Variants in TNNI3K observed in about 807,000 individuals in gnomAD.
The protein encoded by TNNI3K is TNNI3 interacting kinase, also known as serine/threonine-protein kinase TNNI3K.
Under a neutral mutation model 114.5 loss-of-function variants are expected in TNNI3K, and 140 were observed. That is an observed-to-expected ratio of 1.22 (90% CI 1.07 to 1.41). The LOEUF (loss-of-function observed/expected upper bound fraction) is 1.41. Ranked by LOEUF, TNNI3K falls within the 40% of genes most tolerant of loss-of-function variation. The probability of loss-of-function intolerance (pLI) is 0.00; values close to 1 mark genes in which losing one functional copy is unlikely to be tolerated. For synonymous variants in TNNI3K, 347 were observed against 347.5 expected (o/e 1.00, Z 0.02); for missense variants, 1,125 against 1,007.6 (o/e 1.12, Z -1.58).
At chr1:74,484,251 T>C (rs1224054509) in intron 21 of TNNI3K, among the ~76,000 whole-genome samples, 1 of 150,310 alleles carries the variant, frequency 6.7e-6, no homozygotes, top group Non-Finnish European at 1.5e-5. Flanking sequence ...AATAAAACCC[T>C]CTACCTATAT....
chr1:74,266,485 A>G (rs185663350), intron 4 of TNNI3K, among the ~76,000 whole-genome samples: 1 of 152,064 alleles, frequency 6.6e-6, no homozygotes, highest in East Asian at 1.9e-4. Context: ...ACCCAGGTTC[A>G]AGGGGAAGGG....
chr1:74,341,231 C>G (rs2100440231), intron 7 of TNNI3K, among the ~76,000 whole-genome samples: 1 of 152,290 alleles, frequency 6.6e-6, no homozygotes, highest in East Asian at 1.9e-4. Context: ...GACTGTTTAA[C>G]TAGACTGTAG....
In TNNI3K at chr1:74,516,779, AC is replaced by A. The variant is rs1277093198; in HGVS notation, c.2352-23454del. 2.0e-5 allele frequency among the ~76,000 whole-genome samples: 3 copies of A among 152,286 alleles called. No individual in the cohort carries two copies. In the East Asian group the frequency reaches 5.8e-4, roughly 29 times the overall value. On this transcript the variant is annotated intron_variant, in intron 23 of 24. Transcript: ENST00000326637. ...ATAATGAATGTGCCCTCATATAGCCACATTTCCCCAACCCTTATTATAACAA... is the reference window on the plus strand; with the variant it reads ...ATAATGAATGTGCCCTCATATAGCCAATTTCCCCAACCCTTATTATAACAA...
At chr1:74,416,783 T>C (rs1043122888) in intron 17 of TNNI3K, among the ~76,000 whole-genome samples, 6 of 152,274 alleles carry the variant, frequency 3.9e-5, no homozygotes, top group Non-Finnish European at 8.8e-5. Context: ...GGTAGTAATG[T>C]TATCTGGAAT....
At chr1:74,394,933 A>T (rs980015717) in intron 17 of TNNI3K, among the ~76,000 whole-genome samples, 2 of 151,656 alleles carry the variant, frequency 1.3e-5, no homozygotes, top group African/African-American at 2.4e-5. Flanking sequence ...AGTCCCAGCT[A>T]CTCGGGAGGC....
At chr1:74,280,148 C>T (rs1322623589) in intron 5 of TNNI3K, among the ~76,000 whole-genome samples, 3 of 152,038 alleles carry the variant, frequency 2.0e-5, no homozygotes, top group Non-Finnish European at 2.9e-5. Flanking sequence ...TTTGGGAGGC[C>T]GAGATGGGCT....
intron 5 of TNNI3K, among the ~76,000 whole-genome samples, chr1:74,284,881 C>T (rs1570417659): frequency 6.6e-6 from 1 of 152,020 alleles, no homozygotes; most frequent in Non-Finnish European, 1.5e-5. Context: ...ACAATTACTG[C>T]AGATCTCCAC....
At chr1:74,324,507 C>A (rs917245364) in intron 5 of TNNI3K, among the ~76,000 whole-genome samples, 40 of 152,154 alleles carry the variant, frequency 2.6e-4, no homozygotes, top group African/African-American at 8.4e-4. Context: ...ACTAGCTGGT[C>A]CCAAATAAAA....
intron 23 of TNNI3K, among the ~76,000 whole-genome samples, chr1:74,510,433 G>A (rs973712293): frequency 1.3e-5 from 2 of 152,090 alleles, no homozygotes; most frequent in Non-Finnish European, 2.9e-5. Flanking sequence ...GCTTGAACCC[G>A]GGAGGTGGAG....
rs139492849 is a variant in TNNI3K, at chr1:74,514,086, G to A, written c.2351+21820G>A. Among the ~76,000 whole-genome samples, 418 of 152,288 alleles carry A rather than the reference G, an allele frequency of 2.7e-3. 11 individuals are homozygous for A. The East Asian group carries it at 0.063, about 23-fold the overall frequency. Reference sequence around the variant, plus strand: ...TCAAAGGCTATTCGAAGTTTGCATAGCCAAATTTACCCAGGCACACCAAAA... The same window carrying A: ...TCAAAGGCTATTCGAAGTTTGCATAACCAAATTTACCCAGGCACACCAAAA... On this transcript the variant is annotated intron_variant, in intron 23 of 24. Transcript: ENST00000326637.
intron 19 of TNNI3K, 166 bp from the exon 20 acceptor site, chr1:74,439,324 A>G (rs1213426657): frequency 7.4e-6 from 8 of 1,073,838 alleles, no homozygotes; most frequent in African/African-American, 4.8e-5. Flanking sequence ...ATGTATAAAC[A>G]TGTTTATTGC....
chr1:74,288,455 C>A (rs1427031922), intron 5 of TNNI3K, among the ~76,000 whole-genome samples: 1 of 152,006 alleles, frequency 6.6e-6, no homozygotes, highest in Non-Finnish European at 1.5e-5. Flanking sequence ...GAAGAAAATT[C>A]TCTCATTTGC....
chr1:74,505,426 T>C (rs1282690215), intron 23 of TNNI3K, among the ~76,000 whole-genome samples: 1 of 152,176 alleles, frequency 6.6e-6, no homozygotes, highest in Non-Finnish European at 1.5e-5. Flanking sequence ...TTCGCAGCAA[T>C]AAGAAGTGGG....
At chr1:74,464,873 T>G in intron 21 of TNNI3K, 1 of 1,331,458 alleles carries the variant, frequency 7.5e-7, no homozygotes, top group Non-Finnish European at 9.6e-7. Flanking sequence ...AACACTAACA[T>G]CTAAAGCTGG....
At chr1:74,449,260 T>C (rs1666868105) in intron 20 of TNNI3K, among the ~76,000 whole-genome samples, 1 of 151,822 alleles carries the variant, frequency 6.6e-6, no homozygotes, top group Non-Finnish European at 1.5e-5. Context: ...TAGAGGTGTT[T>C]GTAGTATTCT....
intron 5 of TNNI3K, among the ~76,000 whole-genome samples, chr1:74,290,228 G>A (rs1289459042): frequency 3.4e-5 from 5 of 147,142 alleles, no homozygotes; most frequent in Non-Finnish European, 6.0e-5. Flanking sequence ...TTTTTTTCAA[G>A]AGAGCAAGTC....
At chr1:74,492,370 G>A in intron 23 of TNNI3K, 104 bp downstream of exon 23, 3 of 1,302,686 alleles carry the variant, frequency 2.3e-6, no homozygotes, top group Non-Finnish European at 3.0e-6. Flanking sequence ...ATTACCCCCT[G>A]AAAAACTTTG....
chr1:74,367,773 G>T, intron 12 of TNNI3K, 135 bp from the exon 13 acceptor site: 1 of 777,634 alleles, frequency 1.3e-6, no homozygotes, highest in South Asian at 1.9e-5. Context: ...TACAATTTCA[G>T]TATCCAGAGA....
chr1:74,430,792 A>AG (rs1209497448), intron 17 of TNNI3K, among the ~76,000 whole-genome samples: 7 of 152,162 alleles, frequency 4.6e-5, no homozygotes, highest in Non-Finnish European at 8.8e-5. Context: ...CAGTGCAGTC[A>AG]GGGGAACAAA....
Sources: allele counts gnomAD v4.1 joint callset (sites outside exome capture counted in the v4.1 genomes callset), GRCh38; gene constraint gnomAD v4.1.1; transcripts MANE v1.5; gene names NCBI Gene and HGNC (gene_info 2026-07-23, HGNC 2026-07-21).